SIK3: variants seen among roughly 807,000 people sequenced by gnomAD.
SIK3 encodes SIK family kinase 3.
In SIK3, 28 loss-of-function variants were observed where a neutral mutation model predicts 144.2. That is an observed-to-expected ratio of 0.19 (90% CI 0.14 to 0.27). The LOEUF (loss-of-function observed/expected upper bound fraction) is 0.27. Among genes scored for constraint, SIK3 ranks in the 10% least tolerant of loss-of-function variants. SIK3 has a pLI of 1.00. For missense variants in SIK3, 1,319 were observed against 1,776.0 expected, an observed-to-expected ratio of 0.74 and a Z score of 4.62; for synonymous variants, 686 against 676.3, an observed-to-expected ratio of 1.01 and a Z score of -0.22.
intron 3 of SIK3, among the ~76,000 whole-genome samples, chr11:116,942,687 G>A (rs1948378111): frequency 6.6e-6 from 1 of 152,136 alleles, no homozygotes; most frequent in Non-Finnish European, 1.5e-5. Flanking sequence ...TCAGGAAGAA[G>A]AAATGGAATA....
At chr11:116,982,092 T>C (rs746910422) in intron 1 of SIK3, among the ~76,000 whole-genome samples, 2 of 152,090 alleles carry the variant, frequency 1.3e-5, no homozygotes, top group African/African-American at 4.8e-5. Flanking sequence ...ATGCAGGACA[T>C]CTTGGACATC....
intron 3 of SIK3, among the ~76,000 whole-genome samples, chr11:116,938,601 G>A (rs1948102542): frequency 3.4e-5 from 2 of 59,032 alleles, no homozygotes; most frequent in Non-Finnish European, 6.6e-5. Context: ...GAGAGGGGAG[G>A]AGAGGAGAGG....
chr11:116,957,965 G>A (rs1234967829), intron 1 of SIK3, among the ~76,000 whole-genome samples: 1 of 152,102 alleles, frequency 6.6e-6, no homozygotes, highest in African/African-American at 2.4e-5. Flanking sequence ...AAGAATGAAC[G>A]ATGAAGGACT....
intron 1 of SIK3, among the ~76,000 whole-genome samples, chr11:117,097,870 C>A (rs1955549639): frequency 6.6e-6 from 1 of 152,112 alleles, no homozygotes; most frequent in Non-Finnish European, 1.5e-5. Context: ...TCCCCTTTAC[C>A]CGCCTGCCCT....
intron 4 of SIK3, among the ~76,000 whole-genome samples, chr11:116,915,124 A>ATATGTGTGTG (rs1555093320): frequency 1.5e-5 from 2 of 129,928 alleles, no homozygotes; most frequent in African/African-American, 5.6e-5. Context: ...GAAGCCATAT[A>ATATGTGTGTG]TGTGTGTGTG....
In SIK3 at chr11:116,929,309, C is replaced by G. The variant is rs939624050; in HGVS notation, c.455-1929G>C. 2.0e-5 allele frequency among the ~76,000 whole-genome samples: 3 copies of G among 151,992 alleles called. No homozygotes were observed. In the South Asian group the frequency reaches 6.2e-4, roughly 31 times the overall value. On this transcript the variant is annotated intron_variant, in intron 3 of 24. Coordinates refer to ENST00000445177, the MANE Select transcript of SIK3 (RefSeq NM_001366686.3). Reference sequence around the variant, plus strand: ...ATTCTTGAGAAACATAAAAATAAACCCTTATGAAGGTTTACCATCAGAAGC... The same window carrying G: ...ATTCTTGAGAAACATAAAAATAAACGCTTATGAAGGTTTACCATCAGAAGC...
intron 1 of SIK3, among the ~76,000 whole-genome samples, chr11:117,075,764 C>T (rs1461193068): frequency 1.4e-5 from 2 of 147,612 alleles, no homozygotes; most frequent in African/African-American, 2.5e-5. Context: ...AAGATGGTCT[C>T]GATCTCCTGA....
intron 1 of SIK3, among the ~76,000 whole-genome samples, chr11:117,082,243 A>G (rs997562700): frequency 2.0e-5 from 3 of 152,226 alleles, no homozygotes; most frequent in Admixed American, 1.3e-4. Flanking sequence ...ACCTTAAACA[A>G]GGAGTCACCA....
In SIK3 at chr11:116,881,452, G is replaced by A. The variant is rs974418601; in HGVS notation, c.866-4410C>T. Among the ~76,000 whole-genome samples, 5 of 152,322 alleles carry A rather than the reference G, an allele frequency of 3.3e-5. No homozygotes were observed. The South Asian group carries it at 1.0e-3, about 32-fold the overall frequency. On this transcript the variant is annotated intron_variant, in intron 6 of 24. Coordinates refer to ENST00000445177, the MANE Select transcript of SIK3 (RefSeq NM_001366686.3). ...GCCAGGCATTTGGATGACTTTGTGG[G>A]GAGAGAGCTGCTGTATGGGCAGGGT... is the stretch of plus-strand genomic sequence containing the variant.
chr11:116,983,509 G>A (rs1054438887), intron 1 of SIK3, among the ~76,000 whole-genome samples: 3 of 151,630 alleles, frequency 2.0e-5, no homozygotes, highest in African/African-American at 2.4e-5. Flanking sequence ...CAGCCTGGGC[G>A]ACACAGCAAG....
intron 1 of SIK3, among the ~76,000 whole-genome samples, chr11:116,987,591 C>T (rs1431589907): frequency 6.6e-6 from 1 of 152,112 alleles, no homozygotes; most frequent in Non-Finnish European, 1.5e-5. Context: ...GAACTCACCA[C>T]ATGAAATCCA....
At chr11:117,002,492 G>A (rs569374984) in intron 1 of SIK3, among the ~76,000 whole-genome samples, 11 of 152,008 alleles carry the variant, frequency 7.2e-5, no homozygotes, top group East Asian at 1.9e-4. Context: ...ACCAGCATCC[G>A]TCTTAGATCA....
At chr11:117,035,039 A>T (rs1160485210) in intron 1 of SIK3, among the ~76,000 whole-genome samples, 6 of 152,220 alleles carry the variant, frequency 3.9e-5, no homozygotes. Context: ...TTTTTATCTG[A>T]GTAATATTTT....
intron 1 of SIK3, among the ~76,000 whole-genome samples, chr11:117,001,658 G>C (rs1950855101): frequency 2.0e-5 from 3 of 152,108 alleles, no homozygotes; most frequent in Admixed American, 6.6e-5. Context: ...CTCCAGCCCG[G>C]GCAACAGAGC....
At chr11:116,979,288 C>G (rs576451359) in intron 1 of SIK3, among the ~76,000 whole-genome samples, 8 of 152,002 alleles carry the variant, frequency 5.3e-5, no homozygotes, top group Non-Finnish European at 8.8e-5. Context: ...GTTCATGAAC[C>G]ATTTGTTTCT....
intron 3 of SIK3, among the ~76,000 whole-genome samples, chr11:116,943,656 AT>A (rs1227171707): frequency 6.6e-6 from 1 of 152,126 alleles, no homozygotes; most frequent in Non-Finnish European, 1.5e-5. Flanking sequence ...GTGAACATCA[AT>A]GAGGATAACT....
chr11:116,972,140 C>A (rs1949784176), intron 1 of SIK3, among the ~76,000 whole-genome samples: 1 of 150,948 alleles, frequency 6.6e-6, no homozygotes, highest in Non-Finnish European at 1.5e-5. Flanking sequence ...TTAACCCATA[C>A]AACAACCCTA....
intron 3 of SIK3, among the ~76,000 whole-genome samples, chr11:116,947,564 T>TATGA (rs1948727392): frequency 1.7e-5 from 1 of 60,284 alleles, no homozygotes; most frequent in Admixed American, 1.7e-4. Context: ...TGTATGTATG[T>TATGA]ATGTATTTTT....
chr11:116,871,832 GAGC>G (rs1943987328), intron 13 of SIK3, among the ~76,000 whole-genome samples: 1 of 152,176 alleles, frequency 6.6e-6, no homozygotes, highest in South Asian at 2.1e-4. Flanking sequence ...CCAAGAGGAG[GAGC>G]AGGTTTTACA....
Sources: gnomAD v4.1 joint callset for allele counts (sites outside exome capture counted in the v4.1 genomes callset) on GRCh38, gnomAD v4.1.1 for gene constraint, MANE v1.5 for transcripts, NCBI Gene and HGNC (gene_info 2026-07-23, HGNC 2026-07-21) for gene names.